The following FANCC variants were observed in gnomAD, a reference collection of about 807,000 sequenced individuals.
FANCC encodes the protein Fanconi anemia group C protein.
Under a neutral mutation model 71.3 loss-of-function variants are expected in FANCC, and 55 were observed. The ratio of observed to expected loss-of-function variants is 0.77; its 90% confidence interval spans 0.62 to 0.97. FANCC has a LOEUF of 0.97. Ranked by LOEUF, FANCC falls within the 50% of genes least tolerant of loss-of-function variation. The pLI is 0.00. For missense variants in FANCC, 678 were observed against 670.9 expected, an observed-to-expected ratio of 1.01 and a Z score of -0.12; for synonymous variants, 275 against 244.9, an observed-to-expected ratio of 1.12 and a Z score of -1.15.
intron 10 of FANCC, among the ~76,000 whole-genome samples, chr9:95,120,679 T>C (rs1245387295): frequency 6.6e-6 from 1 of 152,128 alleles, no homozygotes; most frequent in Non-Finnish European, 1.5e-5. Flanking sequence ...CCTCCCACCT[T>C]GGCCTCCTAA....
intron 4 of FANCC, among the ~76,000 whole-genome samples, chr9:95,188,197 C>A (rs1202770637): frequency 6.6e-6 from 1 of 152,166 alleles, no homozygotes; most frequent in Non-Finnish European, 1.5e-5. Context: ...TTTATCACTG[C>A]CAATACTAAA....
chr9:95,272,095 C>T (rs1564816168), intron 1 of FANCC, among the ~76,000 whole-genome samples: 1 of 151,660 alleles, frequency 6.6e-6, no homozygotes, highest in South Asian at 2.1e-4. Flanking sequence ...CGCCACCACG[C>T]CTGGCTAAAT....
At chr9:95,294,561 A>G (rs1039832578) in intron 1 of FANCC, 14 of 1,539,156 alleles carry the variant, frequency 9.1e-6, no homozygotes, top group South Asian at 2.2e-5. Flanking sequence ...CAGAGACACA[A>G]ACTGAAGGAA....
intron 4 of FANCC, among the ~76,000 whole-genome samples, chr9:95,208,348 C>T (rs1433544767): frequency 6.6e-6 from 1 of 151,886 alleles, no homozygotes; most frequent in Non-Finnish European, 1.5e-5. Context: ...CCGCCTACCT[C>T]GGTCTCCCAA....
intron 6 of FANCC, among the ~76,000 whole-genome samples, chr9:95,160,918 G>T (rs902356493): frequency 2.0e-5 from 3 of 152,182 alleles, no homozygotes; most frequent in Admixed American, 1.3e-4. Flanking sequence ...TCAGCTTAAA[G>T]AGATTTTGGG....
chr9:95,195,571 T>C (rs577858471), intron 4 of FANCC, among the ~76,000 whole-genome samples: 156 of 152,328 alleles, frequency 1.0e-3, no homozygotes, highest in African/African-American at 3.7e-3. Flanking sequence ...CGTTTTCTTG[T>C]CAAAATTGTT....
chr9:95,292,399 C>T (rs1330163180), intron 1 of FANCC: 1 of 1,048,456 alleles, frequency 9.5e-7, no homozygotes, highest in African/African-American at 1.7e-5. Context: ...GGTGCCCGCG[C>T]CGTCCCGGCG....
intron 8 of FANCC, among the ~76,000 whole-genome samples, chr9:95,129,154 C>T (rs1826476906): frequency 6.6e-6 from 1 of 152,096 alleles, no homozygotes; most frequent in South Asian, 2.1e-4. Flanking sequence ...AAAAAGAAAA[C>T]CAGTCTCCCT....
At chr9:95,210,614 G>T (rs1828436119) in intron 4 of FANCC, among the ~76,000 whole-genome samples, 2 of 152,256 alleles carry the variant, frequency 1.3e-5, no homozygotes, top group South Asian at 4.1e-4. Flanking sequence ...ATAGAAAACT[G>T]TAATTTCGAA....
chr9:95,156,263 G>A (rs1830458073), intron 6 of FANCC, among the ~76,000 whole-genome samples: 1 of 152,128 alleles, frequency 6.6e-6, no homozygotes, highest in Admixed American at 6.5e-5. Flanking sequence ...AATTTAGTTA[G>A]CAGTTCAGGA....
Position 95,111,630 on chromosome 9 carries a change from C to T in FANCC, c.1162G>A (p.Gly388Arg), listed in dbSNP as rs371897078. ...AVEDQTHGSC[G>R]GPFESWFLFI... ...AGGAACCAGCTCTCAAAGGGACCTC[C>T]GCAGGACCTGGAACAGAGGCAGAAC... The change falls in exon 13 of 15, where the codon GGA (glycine) becomes AGA (arginine). Residue 388 changes from glycine (G) to arginine (R), a missense_variant. By Grantham distance (125) the Gly-to-Arg change is moderately radical. Transcript: ENST00000289081. 1.6e-5 allele frequency: 26 copies of T among 1,614,018 alleles called. No homozygotes were observed. The highest frequency in any genetic ancestry group is 8.0e-5 in the African/African-American group (6 of 74,934).
intron 6 of FANCC, among the ~76,000 whole-genome samples, chr9:95,156,041 A>G (rs1360749858): frequency 6.6e-6 from 1 of 152,108 alleles, no homozygotes; most frequent in Non-Finnish European, 1.5e-5. Context: ...CAACTTTTAT[A>G]GATTAAAAAT....
At position 95,308,627 on chromosome 9, in the gene FANCC, C is replaced by T. The variant is rs543866663; in HGVS notation, c.-79+8899G>A. On this transcript the variant is annotated intron_variant, in intron 1 of 14. Coordinates refer to ENST00000289081, the MANE Select transcript of FANCC (RefSeq NM_000136.3). ...CACCAGGACTCAAGTGATCCACCCG[C>T]CTCGGCCTCCCAAAGTGCTGCGATT... Among the ~76,000 whole-genome samples the T allele has an allele frequency of 6.0e-4, 91 of 152,206 alleles. 1 individual carries two copies. The East Asian group carries it at 0.017, about 29-fold the overall frequency.
intron 4 of FANCC, among the ~76,000 whole-genome samples, chr9:95,203,925 T>C (rs1281727610): frequency 6.6e-6 from 1 of 152,164 alleles, no homozygotes; most frequent in Non-Finnish European, 1.5e-5. Context: ...AGGGAGGACC[T>C]TGTAGGCCTC....
At chr9:95,227,312 G>A (rs1317447841) in intron 4 of FANCC, among the ~76,000 whole-genome samples, 4 of 152,178 alleles carry the variant, frequency 2.6e-5, no homozygotes, top group Non-Finnish European at 5.9e-5. Context: ...GGCCAGGCAG[G>A]CTCAGTCCCA....
chr9:95,187,456 C>T (rs1826798839), intron 4 of FANCC, among the ~76,000 whole-genome samples: 1 of 152,192 alleles, frequency 6.6e-6, no homozygotes, highest in South Asian at 2.1e-4. Context: ...TATGCAGAGG[C>T]CCAGGAGGAG....
rs763914550 is a variant in FANCC, at chr9:95,101,662, G to A, written c.*45C>T. 44 of 1,610,644 alleles carry A rather than the reference G, an allele frequency of 2.7e-5. No individual in the cohort carries two copies. The highest frequency in any genetic ancestry group is 1.8e-4 in the East Asian group (8 of 44,868). Reference sequence around the variant, plus strand: ...TCATCACCTGTCCTGTGGCCCTGGCGAGCCTGATCCCTCACGCCGGGCACC... The same window carrying A: ...TCATCACCTGTCCTGTGGCCCTGGCAAGCCTGATCCCTCACGCCGGGCACC... On this transcript the variant is annotated 3_prime_UTR_variant, in exon 15 of 15. Coordinates refer to ENST00000289081, the MANE Select transcript of FANCC (RefSeq NM_000136.3).
chr9:95,125,713 G>C (rs1221247389), intron 9 of FANCC, among the ~76,000 whole-genome samples: 1 of 152,170 alleles, frequency 6.6e-6, no homozygotes, highest in Admixed American at 6.5e-5. Context: ...CCCCAACACT[G>C]TTCTGACTAC....
chr9:95,157,025 T>C (rs1830492039), intron 6 of FANCC, among the ~76,000 whole-genome samples: 2 of 152,158 alleles, frequency 1.3e-5, no homozygotes, highest in African/African-American at 4.8e-5. Flanking sequence ...TGAATCTAAG[T>C]TTCTAATTCC....
Sources: gnomAD v4.1 joint callset for allele counts (sites outside exome capture counted in the v4.1 genomes callset) on GRCh38, gnomAD v4.1.1 for gene constraint, MANE v1.5 for transcripts, NCBI Gene and HGNC (gene_info 2026-07-23, HGNC 2026-07-21) for gene names.